Variants in KIAA1958 observed in about 807,000 individuals in gnomAD.
KIAA1958 encodes uncharacterized protein KIAA1958.
In KIAA1958, 14 loss-of-function variants were observed where a neutral mutation model predicts 47.2. The ratio of observed to expected loss-of-function variants is 0.30; its 90% CI spans 0.20 to 0.46. The LOEUF (loss-of-function observed/expected upper bound fraction) is 0.46, where lower values mean the gene tolerates loss of function less well. KIAA1958 is among the 20% of genes least tolerant of loss of function. The pLI is 1.00. For missense variants in KIAA1958, 803 were observed against 909.2 expected (o/e 0.88, Z 1.50); for synonymous variants, 354 against 353.3 (o/e 1.00, Z -0.02).
rs1055040739 is a variant in KIAA1958, at chr9:112,575,212, C to T, written c.1132C>T (p.Pro378Ser). The change falls in exon 2 of 4, where the codon CCA (proline) becomes TCA (serine). Residue 378 changes from proline to serine, a missense_variant. Coordinates refer to ENST00000337530, the MANE Select transcript of KIAA1958 (RefSeq NM_133465.4). ...SSSQQQPPVA[P>S]AITTEATAQC... ...CAGTCAGCAGCAGCCCCCAGTCGCT[C>T]CAGCCATAACCACTGAGGCCACAGC... 6 of 1,573,492 alleles carry T rather than the reference C, an allele frequency of 3.8e-6. No individual in the cohort carries two copies. The Middle Eastern group carries it at 5.1e-4, about 133-fold the overall frequency.
chr9:112,607,028 A>T (rs1363487425), intron 2 of KIAA1958, among the ~76,000 whole-genome samples: 1 of 152,222 alleles, frequency 6.6e-6, no homozygotes, highest in African/African-American at 2.4e-5. Flanking sequence ...GGGGTGCTGA[A>T]TGCAGTGATG....
At chr9:112,532,677 C>G (rs1464608935) in intron 1 of KIAA1958, among the ~76,000 whole-genome samples, 1 of 152,192 alleles carries the variant, frequency 6.6e-6, no homozygotes, top group East Asian at 1.9e-4. Context: ...CAAGTCGTCT[C>G]ATTTCATGGT....
At chr9:112,598,997 G>A (rs1414905055) in intron 2 of KIAA1958, among the ~76,000 whole-genome samples, 2 of 152,062 alleles carry the variant, frequency 1.3e-5, no homozygotes, top group East Asian at 3.9e-4. Flanking sequence ...CAGGAGGATC[G>A]CTTGAGCCCA....
chr9:112,501,446 A>G (rs564843303), intron 1 of KIAA1958, among the ~76,000 whole-genome samples: 26 of 151,906 alleles, frequency 1.7e-4, no homozygotes, highest in Middle Eastern at 6.8e-3. Flanking sequence ...CTGTCTCTTG[A>G]AAAAAAACAA....
Position 112,574,294 on chromosome 9 carries a change from G to A in KIAA1958, c.214G>A (p.Val72Ile), listed in dbSNP as rs759573808. 5.0e-6 allele frequency: 8 copies of A among 1,614,110 alleles called. No homozygotes were observed. In the South Asian group the frequency reaches 7.7e-5, roughly 16 times the overall value. ...ATCRAGSQER[V>I]CFQDNRSFNS... ...TTGCAGAGCTGGGTCCCAAGAGAGGGTCTGTTTCCAGGATAACAGAAGTTT... is the reference window on the plus strand; with the variant it reads ...TTGCAGAGCTGGGTCCCAAGAGAGGATCTGTTTCCAGGATAACAGAAGTTT... The change falls in exon 2 of 4, where the codon GTC becomes ATC. Residue 72 changes from valine (V) to isoleucine (I), a missense_variant. Physicochemically the swap from Val to Ile is conservative, Grantham distance 29 (BLOSUM62 3). Coordinates refer to ENST00000337530, the MANE Select transcript of KIAA1958 (RefSeq NM_133465.4).
At chr9:112,538,356 A>AAAAG (rs758917285) in intron 1 of KIAA1958, among the ~76,000 whole-genome samples, 1 of 152,108 alleles carries the variant, frequency 6.6e-6, no homozygotes, top group African/African-American at 2.4e-5. Context: ...TGTCTCAAAA[A>AAAAG]AAAGAAAGAA....
chr9:112,557,286 T>C (rs1474204097), intron 1 of KIAA1958, among the ~76,000 whole-genome samples: 1 of 152,134 alleles, frequency 6.6e-6, no homozygotes, highest in Non-Finnish European at 1.5e-5. Context: ...GCCTTCTGTG[T>C]GTTAGGCTTT....
Position 112,659,454 on chromosome 9 carries a change from G to A in KIAA1958, c.1536G>A (p.Glu512=). ...GCTCCTCCACCAAGAAACTCAAGGAGAAGCTGTGGGTGCTGAGTAAGGCAG... is the reference window on the plus strand; with the variant it reads ...GCTCCTCCACCAAGAAACTCAAGGAAAAGCTGTGGGTGCTGAGTAAGGCAG... ...TFSSSTKKLK[E]KLWVLSKAGM... The change falls in exon 4 of 4, where the codon GAG becomes GAA. Residue 512 remains glutamate (E), a synonymous_variant. Coordinates refer to ENST00000337530, the MANE Select transcript of KIAA1958 (RefSeq NM_133465.4). The A allele has an allele frequency of 6.2e-7, 1 of 1,614,072 alleles. No homozygotes were observed. Among genetic ancestry groups the A allele is most frequent in the Non-Finnish European group, 8.5e-7 (1 of 1,179,996 alleles).
At chr9:112,653,203 A>G (rs1437401171) in intron 3 of KIAA1958, among the ~76,000 whole-genome samples, 1 of 152,154 alleles carries the variant, frequency 6.6e-6, no homozygotes, top group Non-Finnish European at 1.5e-5. Flanking sequence ...CCAAATAGAG[A>G]AGGTTAGTAG....
chr9:112,639,564 C>T (rs989088446), intron 2 of KIAA1958, among the ~76,000 whole-genome samples: 2 of 152,202 alleles, frequency 1.3e-5, no homozygotes, highest in African/African-American at 4.8e-5. Flanking sequence ...CCCATGCCTC[C>T]CCCTGCTGCA....
chr9:112,663,225 TA>T lies in KIAA1958; in HGVS notation c.*3157del. On this transcript the variant is annotated 3_prime_UTR_variant, in exon 4 of 4. Coordinates refer to ENST00000337530, the MANE Select transcript of KIAA1958 (RefSeq NM_133465.4). Reference sequence around the variant, plus strand: ...TTCATATCTGCTGTAAAGGGAGCCCTACTTTCTGTCTATCCCCCCCACCGCC... The same window carrying T: ...TTCATATCTGCTGTAAAGGGAGCCCTCTTTCTGTCTATCCCCCCCACCGCC... 6.6e-6 allele frequency: 1 copy of T among 152,608 alleles called. No individual in the cohort carries two copies. The highest frequency in any genetic ancestry group is 1.5e-5 in the Non-Finnish European group (1 of 68,352). The allele number at this position is 152,608 out of a possible 1,614,324, so 9.5% of individuals were successfully genotyped here. A position where few individuals can be genotyped will look rare whatever the true frequency, so the allele number is the denominator to read the frequency against.
chr9:112,563,264 A>T (rs1835369664), intron 1 of KIAA1958, among the ~76,000 whole-genome samples: 1 of 151,948 alleles, frequency 6.6e-6, no homozygotes, highest in Non-Finnish European at 1.5e-5. Flanking sequence ...CTTTAACGTG[A>T]CTTGCAAGAC....
chr9:112,522,002 G>A (rs1299255287), intron 1 of KIAA1958, among the ~76,000 whole-genome samples: 12 of 101,948 alleles, frequency 1.2e-4, no homozygotes, highest in African/African-American at 1.9e-4. Flanking sequence ...GACGAGTTTC[G>A]CTCTTGTTAC....
Position 112,618,439 on chromosome 9 carries a change from G to A in KIAA1958, c.1172-27211G>A, listed in dbSNP as rs1415196901. ...TCCGGGTAACAGAGACGGGTCTCGA[G>A]TACTTGGAGTGGATGGGTCAGGACA... is the stretch of plus-strand genomic sequence containing the variant. On this transcript the variant is annotated intron_variant, in intron 2 of 3. Coordinates refer to ENST00000337530, the MANE Select transcript of KIAA1958 (RefSeq NM_133465.4). This position sits in a 1 kb window ranked among gnomAD's most constrained non-coding sequence, Gnocchi z 7.1. The A allele has an allele frequency of 1.3e-5, 20 of 1,551,226 alleles. No individual in the cohort carries two copies. The highest frequency in any genetic ancestry group is 2.0e-5 in the Admixed American group (1 of 51,006).
At chr9:112,621,501 A>T (rs1048167475) in intron 2 of KIAA1958, among the ~76,000 whole-genome samples, 1 of 152,234 alleles carries the variant, frequency 6.6e-6, no homozygotes, top group African/African-American at 2.4e-5. Context: ...GTGAAAGCAG[A>T]ACTAGAAAAT....
At chr9:112,514,560 C>A (rs1183805022) in intron 1 of KIAA1958, among the ~76,000 whole-genome samples, 1 of 9,454 alleles carries the variant, frequency 1.1e-4, no homozygotes, top group East Asian at 1.6e-3. Context: ...CCAGCCACCC[C>A]GTCCGGGAGG....
At chr9:112,560,917 C>G (rs1049080060) in intron 1 of KIAA1958, among the ~76,000 whole-genome samples, 3 of 152,146 alleles carry the variant, frequency 2.0e-5, no homozygotes, top group African/African-American at 7.2e-5. Flanking sequence ...TGTCTGTCCC[C>G]TCCCTTCTTC....
At position 112,511,201 on chromosome 9, in the gene KIAA1958, C is replaced by T. The variant is rs568377716; in HGVS notation, c.-25+24083C>T. On this transcript the variant is annotated intron_variant, in intron 1 of 3. Transcript: ENST00000337530. ...ATTTGAGCAAAGTGTGATCCTTGGA[C>T]CAGCAGCACCAGTATCATCTGAGAA... 2.0e-5 allele frequency among the ~76,000 whole-genome samples: 3 copies of T among 152,238 alleles called. No homozygotes were observed. In the East Asian group the frequency reaches 5.8e-4, roughly 29 times the overall value.
chr9:112,565,928 G>A (rs1349823006), intron 1 of KIAA1958, among the ~76,000 whole-genome samples: 1 of 152,140 alleles, frequency 6.6e-6, no homozygotes, highest in Non-Finnish European at 1.5e-5. Context: ...ATTTGAGACG[G>A]AGTCTCGCTC....
Sources: gnomAD v4.1 joint callset for allele counts (sites outside exome capture counted in the v4.1 genomes callset) on GRCh38, gnomAD v4.1.1 for gene constraint, Gnocchi (gnomAD v3.1) non-coding constraint, MANE v1.5 for transcripts, NCBI Gene and HGNC (gene_info 2026-07-23, HGNC 2026-07-21) for gene names.